Variants in LAMA2 observed in about 807,000 individuals in gnomAD.
LAMA2 encodes the protein laminin subunit alpha-2.
In LAMA2, 269 loss-of-function variants were observed where a neutral mutation model predicts 364.8. The ratio of observed to expected loss-of-function variants is 0.74; its 90% CI spans 0.67 to 0.82. LAMA2 has a LOEUF of 0.82. LAMA2 is among the 40% of genes least tolerant of loss of function. The pLI is 0.00. For synonymous variants in LAMA2, 1,379 were observed against 1,370.6 expected, an observed-to-expected ratio of 1.01 and a Z score of -0.14; for missense variants, 3,807 against 3,873.2, an observed-to-expected ratio of 0.98 and a Z score of 0.45.
At chr6:128,896,082 T>G (rs545487931) in intron 1 of LAMA2, among the ~76,000 whole-genome samples, 1 of 152,280 alleles carries the variant, frequency 6.6e-6, no homozygotes, top group Non-Finnish European at 1.5e-5. Flanking sequence ...TATAGATATA[T>G]TGCTTATCAA....
At chr6:128,929,727 C>T in intron 1 of LAMA2, 1 of 1,330,156 alleles carries the variant, frequency 7.5e-7, no homozygotes, top group South Asian at 1.2e-5. Context: ...CAGACCTTCC[C>T]AATTCTTGTA....
chr6:129,410,670 AG>A (rs1780489445), intron 40 of LAMA2, among the ~76,000 whole-genome samples: 1 of 152,212 alleles, frequency 6.6e-6, no homozygotes, highest in African/African-American at 2.4e-5. Flanking sequence ...ATGGATGGAT[AG>A]GTGGATAATA....
At chr6:129,377,281 T>C (rs1351961202) in intron 34 of LAMA2, among the ~76,000 whole-genome samples, 3 of 152,134 alleles carry the variant, frequency 2.0e-5, no homozygotes, top group African/African-American at 7.2e-5. Flanking sequence ...GAAACTAGTT[T>C]TTAAACGATT....
intron 12 of LAMA2, among the ~76,000 whole-genome samples, chr6:129,202,956 C>T (rs1192595037): frequency 2.0e-5 from 3 of 152,204 alleles, no homozygotes; most frequent in African/African-American, 7.2e-5. Flanking sequence ...TGCTTTGTCA[C>T]TAGTGCTAGC....
intron 30 of LAMA2, among the ~76,000 whole-genome samples, chr6:129,344,489 A>G (rs566068767): frequency 2.4e-4 from 36 of 152,338 alleles, no homozygotes; most frequent in African/African-American, 8.7e-4. Flanking sequence ...TATGTTTCAA[A>G]TAGGTTCAGA....
chr6:129,252,336 T>C, intron 14 of LAMA2, 41 bp downstream of exon 14: 1 of 1,523,794 alleles, frequency 6.6e-7, no homozygotes, highest in Non-Finnish European at 9.1e-7. Context: ...ACACATTTAC[T>C]TTGGGGCCAA....
chr6:129,081,680 G>A (rs2114840359), intron 3 of LAMA2, among the ~76,000 whole-genome samples: 1 of 152,162 alleles, frequency 6.6e-6, no homozygotes, highest in East Asian at 1.9e-4. Context: ...TTCATTTTTA[G>A]TGTGATTCAT....
At chr6:129,181,409 G>A (rs974025633) in intron 10 of LAMA2, among the ~76,000 whole-genome samples, 6 of 151,672 alleles carry the variant, frequency 4.0e-5, no homozygotes, top group African/African-American at 9.7e-5. Flanking sequence ...TGTTTAAAAT[G>A]TACAATTATA....
rs1780394116 is a variant in LAMA2, at chr6:129,409,089, A to ACATCTGGC, written c.5865+5134_5865+5141dup. On this transcript the variant is annotated intron_variant, in intron 40 of 64. Transcript: ENST00000421865. Reference sequence around the variant, plus strand: ...AGCACATTAATTAGTATATAATTACACATCTGGCCATTTCTTCTTCCAAGC... The same window carrying ACATCTGGC: ...AGCACATTAATTAGTATATAATTACACATCTGGCCATCTGGCCATTTCTTCTTCCAAGC... Among the ~76,000 whole-genome samples, 3 of 152,354 alleles carry ACATCTGGC rather than the reference A, an allele frequency of 2.0e-5. No individual in the cohort carries two copies. The South Asian group carries it at 6.2e-4, about 32-fold the overall frequency.
chr6:129,423,713 A>G (rs2114733705), intron 40 of LAMA2, among the ~76,000 whole-genome samples: 1 of 152,248 alleles, frequency 6.6e-6, no homozygotes, highest in East Asian at 1.9e-4. Context: ...AATAGCATTA[A>G]AAATGTAAAA....
rs527573287 is a variant in LAMA2, at chr6:129,190,836, T to C, written c.1608+491T>C. Reference sequence around the variant, plus strand: ...ACATTAAATATAGGCAATACCTTCATTCTGAGTTGGTTTGAAAAATTATTA... The same window carrying C: ...ACATTAAATATAGGCAATACCTTCACTCTGAGTTGGTTTGAAAAATTATTA... On this transcript the variant is annotated intron_variant, in intron 11 of 64. Transcript: ENST00000421865. Among the ~76,000 whole-genome samples the C allele has an allele frequency of 2.6e-5, 4 of 152,340 alleles. No individual in the cohort carries two copies. The East Asian group carries it at 7.7e-4, about 29-fold the overall frequency.
At position 129,427,867 on chromosome 6, in the gene LAMA2, A is replaced by G. The variant is rs765504063; in HGVS notation, c.5968+13A>G. The G allele has an allele frequency of 3.3e-6, 5 of 1,508,884 alleles. No individual in the cohort carries two copies. The Admixed American group carries it at 6.7e-5, about 20-fold the overall frequency. The allele number at this position is 1,508,884 out of a possible 1,614,324, so 93.5% of individuals were successfully genotyped here. A position where few individuals can be genotyped will look rare whatever the true frequency, so the allele number is the denominator to read the frequency against. ...AATGATGTAAAAGGTCAGTGTGGCC[A>G]TAGTTTTTATTATATTCCAGTTAAT... On this transcript the variant is annotated intron_variant, in intron 41 of 64. Transcript: ENST00000421865.
intron 9 of LAMA2, among the ~76,000 whole-genome samples, chr6:129,172,479 C>A (rs573164053): frequency 5.9e-4 from 90 of 152,332 alleles, no homozygotes; most frequent in African/African-American, 1.7e-3. Flanking sequence ...CTCCCAGTTA[C>A]GCTGCTCAGG....
chr6:129,251,064 CTCTCTCTCTCTCTATATA>C lies in LAMA2; in HGVS notation c.1884+853_1884+870del, dbSNP rs1169425950. Among the ~76,000 whole-genome samples the C allele has an allele frequency of 1.0e-3, 69 of 69,106 alleles. No homozygotes were observed. In the East Asian group the frequency reaches 0.013, roughly 13 times the overall value. The allele number at this position is 69,106 out of a possible 152,430, so 45.3% of individuals were successfully genotyped here. A position where few individuals can be genotyped will look rare whatever the true frequency, so the allele number is the denominator to read the frequency against. ...TTTCTCTCTCTCTCTCTCTCTCTCT[CTCTCTCTCTCTCTATATA>C]TATATATATATATATATATATATGG... On this transcript the variant is annotated intron_variant, in intron 13 of 64. Coordinates refer to ENST00000421865, the MANE Select transcript of LAMA2 (RefSeq NM_000426.4).
intron 1 of LAMA2, among the ~76,000 whole-genome samples, chr6:128,962,183 T>TATATATATATATATATATATATATATAC (rs1781573685): frequency 8.8e-6 from 1 of 113,922 alleles, no homozygotes; most frequent in African/African-American, 3.9e-5. Flanking sequence ...TATATATATA[T>TATATATATATATATATATATATATATAC]ATACACACAT....
chr6:129,375,412 G>C (rs1262660064), intron 34 of LAMA2, among the ~76,000 whole-genome samples: 2 of 152,074 alleles, frequency 1.3e-5, no homozygotes, highest in Non-Finnish European at 2.9e-5. Context: ...AGACAAGTCT[G>C]TATTTATTTC....
At chr6:129,167,484 C>T (rs1779833454) in intron 9 of LAMA2, among the ~76,000 whole-genome samples, 1 of 152,024 alleles carries the variant, frequency 6.6e-6, no homozygotes, top group Non-Finnish European at 1.5e-5. Context: ...CTACAAAGGA[C>T]ATGAACTCAT....
chr6:129,175,661 CAG>C (rs1251218420), intron 9 of LAMA2, among the ~76,000 whole-genome samples: 2 of 152,040 alleles, frequency 1.3e-5, no homozygotes, highest in Non-Finnish European at 2.9e-5. Flanking sequence ...TGAACACAGA[CAG>C]GGGAACATCA....
chr6:129,234,710 T>C (rs936675524), intron 12 of LAMA2, among the ~76,000 whole-genome samples: 1 of 152,214 alleles, frequency 6.6e-6, no homozygotes, highest in African/African-American at 2.4e-5. Context: ...ATATGCTCAT[T>C]ATCAATTGTG....
Sources: allele counts gnomAD v4.1 joint callset (sites outside exome capture counted in the v4.1 genomes callset), GRCh38; gene constraint gnomAD v4.1.1; transcripts MANE v1.5; gene names NCBI Gene and HGNC (gene_info 2026-07-23, HGNC 2026-07-21).